SGCZ: variants seen among roughly 807,000 people sequenced by gnomAD.
The protein encoded by SGCZ is zeta-sarcoglycan.
Under a neutral mutation model 41.3 loss-of-function variants are expected in SGCZ, and 40 were observed. The ratio of observed to expected loss-of-function variants is 0.97; its 90% confidence interval spans 0.75 to 1.26. SGCZ has a LOEUF of 1.26. Among genes scored for constraint, SGCZ ranks in the 50% most tolerant of loss-of-function variants. The probability of loss-of-function intolerance (pLI) is 0.00; values close to 1 mark genes in which losing one functional copy is unlikely to be tolerated. For synonymous variants in SGCZ, 206 were observed against 137.5 expected (o/e 1.50, Z -3.49); for missense variants, 552 against 369.8 (o/e 1.49, Z -4.04).
chr8:14,834,863 C>T (rs534681512), intron 1 of SGCZ, among the ~76,000 whole-genome samples: 13 of 152,192 alleles, frequency 8.5e-5, no homozygotes, highest in Non-Finnish European at 1.8e-4. Context: ...TACTTTCTCT[C>T]CCAGGACCCT....
intron 2 of SGCZ, among the ~76,000 whole-genome samples, chr8:14,383,839 G>T (rs1038295624): frequency 2.6e-5 from 4 of 152,114 alleles, no homozygotes; most frequent in Non-Finnish European, 5.9e-5. Flanking sequence ...CAGCGAAGAG[G>T]TTTGAGCATT....
chr8:14,844,881 T>G (rs975334945), intron 1 of SGCZ, among the ~76,000 whole-genome samples: 1 of 152,088 alleles, frequency 6.6e-6, no homozygotes, highest in African/African-American at 2.4e-5. Context: ...AGCCTTACAA[T>G]GCAAGTCTCA....
At chr8:14,711,450 A>G (rs1383958548) in intron 1 of SGCZ, among the ~76,000 whole-genome samples, 4 of 151,408 alleles carry the variant, frequency 2.6e-5, no homozygotes, top group Admixed American at 6.6e-5. Context: ...AAAAAAAAAA[A>G]AAAAAGTTAG....
At chr8:14,547,342 A>G (rs1803662495) in intron 2 of SGCZ, among the ~76,000 whole-genome samples, 1 of 152,178 alleles carries the variant, frequency 6.6e-6, no homozygotes, top group Non-Finnish European at 1.5e-5. Flanking sequence ...CAGGTGACAC[A>G]GGTTTTCATA....
chr8:14,785,168 A>T lies in SGCZ; in HGVS notation c.40-230242T>A, dbSNP rs1487029693. 2.0e-5 allele frequency among the ~76,000 whole-genome samples: 3 copies of T among 151,322 alleles called. No individual in the cohort carries two copies. In the East Asian group the frequency reaches 5.8e-4, roughly 29 times the overall value. ...AATAAAATGATAATCCCAGTGTTTT[A>T]TGTTTACTTGATTGCTATCTGGAAA... On this transcript the variant is annotated intron_variant, in intron 1 of 7. Coordinates refer to ENST00000382080, the MANE Select transcript of SGCZ (RefSeq NM_139167.4).
intron 1 of SGCZ, among the ~76,000 whole-genome samples, chr8:14,623,647 C>A (rs909350203): frequency 5.9e-5 from 9 of 152,116 alleles, no homozygotes; most frequent in African/African-American, 2.2e-4. Context: ...CTTCAAGTGG[C>A]CAATGAGTTA....
intron 2 of SGCZ, among the ~76,000 whole-genome samples, chr8:14,527,203 T>A (rs929763628): frequency 1.3e-5 from 2 of 152,186 alleles, no homozygotes; most frequent in Non-Finnish European, 2.9e-5. Flanking sequence ...ATATGTTTAA[T>A]ATGAAACAAG....
intron 5 of SGCZ, among the ~76,000 whole-genome samples, chr8:14,151,337 C>T (rs1803702997): frequency 6.6e-6 from 1 of 151,686 alleles, no homozygotes; most frequent in Non-Finnish European, 1.5e-5. Context: ...AAAAATTAAA[C>T]CATACTATTT....
intron 1 of SGCZ, among the ~76,000 whole-genome samples, chr8:15,052,778 C>A (rs987867875): frequency 6.6e-6 from 1 of 152,208 alleles, no homozygotes; most frequent in Non-Finnish European, 1.5e-5. Flanking sequence ...AAAGCATATC[C>A]AATTTTAATT....
chr8:14,910,453 T>G (rs1445146838), intron 1 of SGCZ, among the ~76,000 whole-genome samples: 3 of 151,888 alleles, frequency 2.0e-5, no homozygotes, highest in Non-Finnish European at 4.4e-5. Context: ...ACTAAATTTA[T>G]TAAATCTTAA....
intron 1 of SGCZ, among the ~76,000 whole-genome samples, chr8:14,809,899 A>G (rs370330403): frequency 6.6e-6 from 1 of 152,172 alleles, no homozygotes; most frequent in East Asian, 1.9e-4. Context: ...AAGATTTAAG[A>G]AACTATTTAC....
chr8:14,338,809 A>T (rs929109868), intron 2 of SGCZ, among the ~76,000 whole-genome samples: 2 of 152,120 alleles, frequency 1.3e-5, no homozygotes, highest in Non-Finnish European at 2.9e-5. Flanking sequence ...TCAAGTATTG[A>T]TGCTACAAAT....
intron 4 of SGCZ, among the ~76,000 whole-genome samples, chr8:14,214,764 G>A (rs6985320): frequency 2.1e-3 from 322 of 151,360 alleles, no homozygotes; most frequent in African/African-American, 7.4e-3. Flanking sequence ...AATATTACCC[G>A]GACAAAAAAA....
intron 1 of SGCZ, among the ~76,000 whole-genome samples, chr8:14,746,367 A>T (rs1799340751): frequency 7.0e-6 from 1 of 142,346 alleles, no homozygotes; most frequent in Non-Finnish European, 1.5e-5. Context: ...GAAATACCTG[A>T]ATATGCTCAA....
chr8:14,260,994 G>A (rs1585293009), intron 3 of SGCZ, among the ~76,000 whole-genome samples: 2 of 152,220 alleles, frequency 1.3e-5, no homozygotes, highest in Admixed American at 6.5e-5. Flanking sequence ...TATACCTAAC[G>A]CTAGATGACG....
At chr8:14,300,881 C>G (rs1194027016) in intron 3 of SGCZ, among the ~76,000 whole-genome samples, 4 of 151,836 alleles carry the variant, frequency 2.6e-5, no homozygotes, top group Non-Finnish European at 5.9e-5. Context: ...AACCCCTTAC[C>G]AGATGACTTT....
intron 1 of SGCZ, among the ~76,000 whole-genome samples, chr8:14,631,013 A>C (rs959478446): frequency 2.0e-5 from 3 of 151,982 alleles, no homozygotes; most frequent in Admixed American, 6.6e-5. Flanking sequence ...TAGAACTTAA[A>C]GTATAATAAA....
intron 3 of SGCZ, among the ~76,000 whole-genome samples, chr8:14,248,959 A>T (rs1322013180): frequency 6.6e-6 from 1 of 152,204 alleles, no homozygotes; most frequent in African/African-American, 2.4e-5. Context: ...AATATAAACA[A>T]TTGGATATAA....
intron 1 of SGCZ, among the ~76,000 whole-genome samples, chr8:14,985,292 C>T (rs1349687619): frequency 6.6e-6 from 1 of 152,120 alleles, no homozygotes; most frequent in Non-Finnish European, 1.5e-5. Flanking sequence ...TAAAATGTCA[C>T]TGAAGCTGGT....
Sources: gnomAD v4.1 joint callset for allele counts (sites outside exome capture counted in the v4.1 genomes callset) on GRCh38, gnomAD v4.1.1 for gene constraint, MANE v1.5 for transcripts, NCBI Gene and HGNC (gene_info 2026-07-23, HGNC 2026-07-21) for gene names.